SND1: variants seen among roughly 807,000 people sequenced by gnomAD.
The protein encoded by SND1 is staphylococcal nuclease domain-containing protein 1.
In SND1, 38 loss-of-function variants were observed where a neutral mutation model predicts 121.7. The ratio of observed to expected loss-of-function variants is 0.31; its 90% CI spans 0.24 to 0.41. SND1 has a LOEUF of 0.41. Among genes scored for constraint, SND1 ranks in the 10% least tolerant of loss-of-function variants. SND1 has a pLI of 1.00. For missense variants in SND1, 868 were observed against 1,184.6 expected (o/e 0.73, Z 3.92); for synonymous variants, 401 against 447.4 (o/e 0.90, Z 1.31).
chr7:127,808,197 CTG>C (rs1305031762), intron 11 of SND1, among the ~76,000 whole-genome samples: 9 of 141,066 alleles, frequency 6.4e-5, no homozygotes, highest in Non-Finnish European at 1.4e-4. Context: ...ACATCTCACT[CTG>C]TTGCCTAGTC....
rs57562959 is a variant in SND1 at position 127,926,720 on chromosome 7, T to TTTGTTGTTG, written c.1528-2430_1528-2422dup. Among the ~76,000 whole-genome samples, 1,152 of 142,800 alleles carry TTTGTTGTTG rather than the reference T, an allele frequency of 8.1e-3. 10 individuals carry two copies. Among genetic ancestry groups the TTTGTTGTTG allele is most frequent in the African/African-American group, 0.018 (676 of 36,850 alleles). 93.7% of individuals were successfully genotyped at this position (142,800 alleles called of 152,430 possible). ...GGTGCCCACCACCACACCCGGCTAT[T>TTTGTTGTTG]TTGTTGTTGTTGTTGTTGTTGTTGT... On this transcript the variant is annotated intron_variant, in intron 14 of 23. Transcript: ENST00000354725.
rs528173532 is a variant in SND1, at chr7:127,986,971, G to T, written c.1670-3976G>T. ...TTGTTTCTTAAAGGCTTGTGTCAGA[G>T]GTAAGCTTGGCACTTCTCTTGCACC... On this transcript the variant is annotated intron_variant, in intron 15 of 23. Transcript: ENST00000354725. Among the ~76,000 whole-genome samples the T allele has an allele frequency of 1.8e-4, 27 of 152,330 alleles. No homozygotes were observed. The South Asian group carries it at 2.1e-3, about 12-fold the overall frequency.
intron 10 of SND1, among the ~76,000 whole-genome samples, chr7:127,725,668 C>G (rs1796568892): frequency 1.3e-5 from 2 of 152,202 alleles, no homozygotes; most frequent in Admixed American, 6.5e-5. Flanking sequence ...TCTCTAATTA[C>G]AGGACTCTGC....
chr7:127,757,583 G>C (rs1045996631), intron 10 of SND1, among the ~76,000 whole-genome samples: 6 of 152,180 alleles, frequency 3.9e-5, no homozygotes, highest in African/African-American at 1.4e-4. Context: ...TAGCTATTCA[G>C]ATCTGTTTAT....
chr7:128,003,164 C>G (rs940837596), intron 16 of SND1, among the ~76,000 whole-genome samples: 3 of 152,012 alleles, frequency 2.0e-5, no homozygotes, highest in Non-Finnish European at 4.4e-5. Context: ...GAGCCGAAAT[C>G]GTGCCACTGC....
intron 16 of SND1, among the ~76,000 whole-genome samples, chr7:128,043,451 G>A (rs577851370): frequency 1.3e-5 from 2 of 152,044 alleles, no homozygotes; most frequent in Non-Finnish European, 2.9e-5. Flanking sequence ...GCATGCACCT[G>A]TAATCCCAGC....
At chr7:127,990,498 G>T (rs116072810) in intron 15 of SND1, among the ~76,000 whole-genome samples, 1 of 152,328 alleles carries the variant, frequency 6.6e-6, no homozygotes, top group African/African-American at 2.4e-5. Flanking sequence ...GTAAAAGTCA[G>T]ACAGCAAGGA....
intron 11 of SND1, among the ~76,000 whole-genome samples, chr7:127,833,997 A>G (rs1255096397): frequency 6.6e-6 from 1 of 151,786 alleles, no homozygotes; most frequent in African/African-American, 2.4e-5. Flanking sequence ...GACTTCCTTC[A>G]CTTATAATGT....
rs561283734 is a variant in SND1 at position 128,036,205 on chromosome 7, G to A, written c.1780-38297G>A. On this transcript the variant is annotated intron_variant, in intron 16 of 23. Coordinates refer to ENST00000354725, the MANE Select transcript of SND1 (RefSeq NM_014390.4). Reference sequence around the variant, plus strand: ...TCTTTCCAAGGTAATGAACACATTTGTGTGTGTGTGTGTGTGTCTTAGTTC... The same window carrying A: ...TCTTTCCAAGGTAATGAACACATTTATGTGTGTGTGTGTGTGTCTTAGTTC... Among the ~76,000 whole-genome samples, 23 of 127,148 alleles carry A rather than the reference G, an allele frequency of 1.8e-4. No individual in the cohort carries two copies. In the East Asian group the frequency reaches 4.7e-3, roughly 26 times the overall value. 83.4% of individuals were successfully genotyped at this position (127,148 alleles called of 152,430 possible).
chr7:127,870,892 C>A (rs1264610304), intron 12 of SND1, among the ~76,000 whole-genome samples: 1 of 152,152 alleles, frequency 6.6e-6, no homozygotes, highest in Non-Finnish European at 1.5e-5. Flanking sequence ...GAAACTTTGA[C>A]TCCTTTGTAA....
At chr7:128,031,213 C>G (rs111614365) in intron 16 of SND1, 15 of 152,424 alleles carry the variant, frequency 9.8e-5, no homozygotes, top group African/African-American at 2.4e-4. Flanking sequence ...AGCGGCGCCA[C>G]CAGCGCTTCC....
At chr7:127,769,510 C>G (rs1797477385) in intron 10 of SND1, among the ~76,000 whole-genome samples, 1 of 152,162 alleles carries the variant, frequency 6.6e-6, no homozygotes, top group East Asian at 1.9e-4. Context: ...CCAAATAATT[C>G]TGGTCACCTC....
intron 10 of SND1, among the ~76,000 whole-genome samples, chr7:127,754,555 G>A (rs1413033638): frequency 6.6e-6 from 1 of 152,218 alleles, no homozygotes; most frequent in Non-Finnish European, 1.5e-5. Context: ...CCTTATCACA[G>A]TGGAGGGAAA....
intron 12 of SND1, among the ~76,000 whole-genome samples, chr7:127,866,007 A>C (rs1799466946): frequency 6.6e-6 from 1 of 150,760 alleles, no homozygotes; most frequent in Admixed American, 6.6e-5. Flanking sequence ...TCTAATGCTG[A>C]TTAAAATGAA....
intron 16 of SND1, among the ~76,000 whole-genome samples, chr7:128,000,691 T>C (rs770901286): frequency 6.6e-6 from 1 of 152,192 alleles, no homozygotes; most frequent in Non-Finnish European, 1.5e-5. Context: ...TGTGGTATGT[T>C]TGGAGTGTCT....
intron 11 of SND1, among the ~76,000 whole-genome samples, chr7:127,839,609 T>C (rs1319448840): frequency 6.6e-6 from 1 of 152,220 alleles, no homozygotes; most frequent in African/African-American, 2.4e-5. Flanking sequence ...AGCTGTTCTA[T>C]ACTAAACTAT....
chr7:128,029,679 G>T lies in SND1; in HGVS notation c.1779+38623G>T, dbSNP rs1452366107. The T allele has an allele frequency of 6.2e-7, 1 of 1,613,968 alleles. No homozygotes were observed. The highest frequency in any genetic ancestry group is 1.1e-5 in the South Asian group (1 of 91,076). The stretch of plus-strand genomic sequence containing the variant: ...ACAGCGGCCACAGCAGGTGGAATTG[G>T]TGGGTATATACTCTCGAAGCCACCA... On this transcript the variant is annotated intron_variant, in intron 16 of 23. Coordinates refer to ENST00000354725, the MANE Select transcript of SND1 (RefSeq NM_014390.4). The surrounding 1 kb of genome is among the most constrained non-coding windows in gnomAD (Gnocchi z 4.2).
At chr7:127,709,129 G>A (rs1403960501) in intron 9 of SND1, among the ~76,000 whole-genome samples, 4 of 152,154 alleles carry the variant, frequency 2.6e-5, no homozygotes, top group African/African-American at 9.7e-5. Context: ...CACCTGTTGG[G>A]ATATCCTGGC....
intron 1 of SND1, among the ~76,000 whole-genome samples, chr7:127,672,071 T>A (rs1294081288): frequency 6.6e-6 from 1 of 152,150 alleles, no homozygotes; most frequent in Non-Finnish European, 1.5e-5. Context: ...ACAGTAACAG[T>A]GCTGAGAGTA....
Sources: allele counts gnomAD v4.1 joint callset (sites outside exome capture counted in the v4.1 genomes callset), GRCh38; gene constraint gnomAD v4.1.1; non-coding constraint Gnocchi (gnomAD v3.1); transcripts MANE v1.5; gene names NCBI Gene and HGNC (gene_info 2026-07-23, HGNC 2026-07-21).